PLEKHM3: variants seen among roughly 807,000 people sequenced by gnomAD.
PLEKHM3 encodes pleckstrin homology domain containing M3.
PLEKHM3 carries 45 observed loss-of-function variants against 81.8 expected under a neutral mutation model. That is an observed-to-expected ratio of 0.55 (90% CI 0.43 to 0.71). PLEKHM3 has a LOEUF of 0.71. Ranked by LOEUF, PLEKHM3 falls within the 30% of genes least tolerant of loss-of-function variation. The pLI is 0.00. For synonymous variants in PLEKHM3, 352 were observed against 356.4 expected (o/e 0.99, Z 0.14); for missense variants, 788 against 924.3 (o/e 0.85, Z 1.91).
chr2:207,862,176 G>GA, intron 6 of PLEKHM3, among the ~76,000 whole-genome samples: 1 of 152,310 alleles, frequency 6.6e-6, no homozygotes, highest in Admixed American at 6.5e-5. Flanking sequence ...ACGCCAGCTA[G>GA]ATAAAATCTG....
chr2:207,961,343 T>G (rs1342629504), intron 3 of PLEKHM3, among the ~76,000 whole-genome samples: 1 of 152,208 alleles, frequency 6.6e-6, no homozygotes, highest in Non-Finnish European at 1.5e-5. Context: ...AAGTTTTTGG[T>G]TCAGCCCTAC....
intron 7 of PLEKHM3, among the ~76,000 whole-genome samples, chr2:207,858,174 G>GTGTGTGTA (rs373920637): frequency 0.15 from 17,808 of 122,186 alleles, 1,363 homozygotes; most frequent in Non-Finnish European, 0.18. Context: ...GTGTGTGTGT[G>GTGTGTGTA]TATATATTTT....
chr2:207,932,181 T>C (rs2718666), intron 4 of PLEKHM3, among the ~76,000 whole-genome samples: 94,410 of 152,052 alleles, frequency 0.62, 29,970 homozygotes, highest in Middle Eastern at 0.79. Flanking sequence ...GTATTCACCT[T>C]GAGTGGTAAT....
intron 3 of PLEKHM3, among the ~76,000 whole-genome samples, chr2:207,961,076 G>A (rs764462783): frequency 7.2e-5 from 11 of 152,170 alleles, no homozygotes; most frequent in African/African-American, 1.7e-4. Context: ...AGGCTGGCTC[G>A]GGGCCATATA....
At chr2:207,840,333 A>C (rs573859164) in intron 7 of PLEKHM3, among the ~76,000 whole-genome samples, 1 of 152,014 alleles carries the variant, frequency 6.6e-6, no homozygotes, top group African/African-American at 2.4e-5. Flanking sequence ...TAGGACTACA[A>C]GTGTGTGCCA....
chr2:207,932,694 T>C (rs1297950390), intron 4 of PLEKHM3, among the ~76,000 whole-genome samples: 1 of 152,132 alleles, frequency 6.6e-6, no homozygotes, highest in Non-Finnish European at 1.5e-5. Context: ...TGGGGCCCAC[T>C]GGTAGCTTAG....
At chr2:207,841,613 G>A (rs112255563) in intron 7 of PLEKHM3, among the ~76,000 whole-genome samples, 3 of 150,316 alleles carry the variant, frequency 2.0e-5, no homozygotes, top group African/African-American at 7.3e-5. Context: ...TAAGGTGTAT[G>A]GGCAGCATTA....
At chr2:207,980,398 T>C (rs1027525177) in intron 2 of PLEKHM3, among the ~76,000 whole-genome samples, 2 of 152,150 alleles carry the variant, frequency 1.3e-5, no homozygotes, top group Admixed American at 1.3e-4. Context: ...CCTCACCTTC[T>C]AGATGCAGAA....
chr2:207,922,178 T>TA (rs1261960020), intron 5 of PLEKHM3, among the ~76,000 whole-genome samples: 2 of 152,210 alleles, frequency 1.3e-5, no homozygotes, highest in Non-Finnish European at 1.5e-5. Flanking sequence ...ATAGCCATTC[T>TA]AACTGGGGTG....
rs772444980 is a variant in PLEKHM3 at position 207,874,570 on chromosome 2, G to A, written c.1951-13308C>T. On this transcript the variant is annotated intron_variant, in intron 6 of 7. Coordinates refer to ENST00000427836, the MANE Select transcript of PLEKHM3 (RefSeq NM_001080475.3). ...GCCTGGGCAACAAGAATGAAACTCC[G>A]TCTCAAAAACAAACAAAAAAACTGT... Among the ~76,000 whole-genome samples, 15 of 150,938 alleles carry A rather than the reference G, an allele frequency of 9.9e-5. No individual in the cohort carries two copies. In the South Asian group the frequency reaches 2.5e-3, roughly 26 times the overall value.
chr2:207,859,299 C>T (rs1046910473), intron 7 of PLEKHM3, among the ~76,000 whole-genome samples: 19 of 151,382 alleles, frequency 1.3e-4, no homozygotes, highest in Admixed American at 3.3e-4. Context: ...CCACTATACC[C>T]GGCTAATTTT....
chr2:207,902,269 C>T (rs1231326227), intron 6 of PLEKHM3, among the ~76,000 whole-genome samples: 5 of 152,186 alleles, frequency 3.3e-5, no homozygotes, highest in African/African-American at 7.2e-5. Flanking sequence ...TCTGTGAGAG[C>T]GTCCATAGAG....
Position 207,976,947 on chromosome 2 carries a change from T to C in PLEKHM3, c.1250A>G (p.Asn417Ser). 3.7e-6 allele frequency: 6 copies of C among 1,614,194 alleles called. No homozygotes were observed. Among genetic ancestry groups the C allele is most frequent in the Non-Finnish European group, 5.1e-6 (6 of 1,180,032 alleles). The change falls in exon 3 of 8, where the codon AAC (asparagine) becomes AGC (serine). Residue 417 changes from asparagine to serine, a missense_variant. Coordinates refer to ENST00000427836, the MANE Select transcript of PLEKHM3 (RefSeq NM_001080475.3). The surrounding 1 kb of genome is among the most constrained non-coding windows in gnomAD (Gnocchi z 4.1). ...VDVCLAVQMD[N>S]LDGCDSCFQV... is the part of the protein sequence containing the mutation. ...AAAGCAAGAGTCGCAGCCATCCAGGTTGTCCATCTGGACAGCCAGACACAC... is the reference window on the plus strand; with the variant it reads ...AAAGCAAGAGTCGCAGCCATCCAGGCTGTCCATCTGGACAGCCAGACACAC...
chr2:207,977,338 G>GT lies in PLEKHM3; in HGVS notation c.858dup (p.Gln287ThrfsTer34). The GT allele has an allele frequency of 6.2e-7, 1 of 1,614,156 alleles. No homozygotes were observed. The highest frequency in any genetic ancestry group is 8.5e-7 in the Non-Finnish European group (1 of 1,180,034). ...TCCCATGGTGACTCTGCCTTTAGCT[G>GT]TAGCTGAGTGTTGTCATACAAAACA... On this transcript the variant is annotated frameshift_variant, in exon 3 of 8. Coordinates refer to ENST00000427836, the MANE Select transcript of PLEKHM3 (RefSeq NM_001080475.3). LOFTEE classifies it high-confidence loss of function.
At chr2:207,897,154 A>G (rs1181330550) in intron 6 of PLEKHM3, among the ~76,000 whole-genome samples, 1 of 152,196 alleles carries the variant, frequency 6.6e-6, no homozygotes, top group Non-Finnish European at 1.5e-5. Context: ...GCTATTCTGC[A>G]TTCCCTACCA....
intron 4 of PLEKHM3, among the ~76,000 whole-genome samples, chr2:207,935,279 C>T (rs1325617903): frequency 6.6e-6 from 1 of 152,136 alleles, no homozygotes; most frequent in Non-Finnish European, 1.5e-5. Context: ...CCGAAGAAAA[C>T]CTGCTTAACC....
At chr2:208,024,921 A>T (rs1456095662) in intron 1 of PLEKHM3, among the ~76,000 whole-genome samples, 1 of 152,172 alleles carries the variant, frequency 6.6e-6, no homozygotes, top group East Asian at 1.9e-4. Flanking sequence ...TTTTTAGCTT[A>T]ATAATTCTTT....
intron 1 of PLEKHM3, among the ~76,000 whole-genome samples, chr2:208,011,062 A>G (rs1440587480): frequency 6.9e-6 from 1 of 144,844 alleles, no homozygotes; most frequent in Non-Finnish European, 1.5e-5. Flanking sequence ...AATGGCCATA[A>G]TCAAAAAAAA....
In PLEKHM3 at chr2:207,843,441, A is replaced by AG. The variant is rs2092365535; in HGVS notation, c.2109-14946_2109-14945insC. On this transcript the variant is annotated intron_variant, in intron 7 of 7. Coordinates refer to ENST00000427836, the MANE Select transcript of PLEKHM3 (RefSeq NM_001080475.3). The surrounding 1 kb of genome is among the most constrained non-coding windows in gnomAD (Gnocchi z 4.4). ...CCCCTAACTAGATCTCTCACTTTTAAACAGTATATCTTAAATGTGCTTTCA... is the reference window on the plus strand; with the variant it reads ...CCCCTAACTAGATCTCTCACTTTTAAGACAGTATATCTTAAATGTGCTTTCA... 6.6e-6 allele frequency among the ~76,000 whole-genome samples: 1 copy of AG among 152,158 alleles called. No individual in the cohort carries two copies. Among genetic ancestry groups the AG allele is most frequent in the Admixed American group, 6.5e-5 (1 of 15,280 alleles).
Sources: gnomAD v4.1 joint callset for allele counts (sites outside exome capture counted in the v4.1 genomes callset) on GRCh38, gnomAD v4.1.1 for gene constraint, Gnocchi (gnomAD v3.1) non-coding constraint, MANE v1.5 for transcripts, NCBI Gene and HGNC (gene_info 2026-07-23, HGNC 2026-07-21) for gene names.